Variants in PLCG2 observed in about 807,000 individuals in gnomAD.
PLCG2 encodes the protein phospholipase C gamma 2.
Under a neutral mutation model 175.6 loss-of-function variants are expected in PLCG2, and 69 were observed. The observed-to-expected ratio is 0.39, with a 90% confidence interval of 0.32 to 0.48. The LOEUF is 0.48. Among genes scored for constraint, PLCG2 ranks in the 20% least tolerant of loss-of-function variants. The pLI is 0.91. For synonymous variants in PLCG2, 827 were observed against 624.0 expected, an observed-to-expected ratio of 1.33 and a Z score of -4.85; for missense variants, 1,798 against 1,650.9, an observed-to-expected ratio of 1.09 and a Z score of -1.54.
At chr16:81,751,513 CAGAT>C (rs1388709702) in intron 1 of PLCG2, among the ~76,000 whole-genome samples, 4 of 152,068 alleles carry the variant, frequency 2.6e-5, no homozygotes, top group African/African-American at 9.7e-5. Flanking sequence ...TACAAAATCT[CAGAT>C]AGGAGGAATA....
chr16:81,769,777 G>A (rs945864738), intron 2 of PLCG2, among the ~76,000 whole-genome samples: 7 of 123,506 alleles, frequency 5.7e-5, no homozygotes, highest in South Asian at 2.5e-4. Flanking sequence ...CCGAGATCCC[G>A]CCACTGCACT....
chr16:81,931,694 T>G, intron 25 of PLCG2, 40 bp downstream of exon 25: 1 of 1,595,428 alleles, frequency 6.3e-7, no homozygotes, highest in Non-Finnish European at 8.6e-7. Flanking sequence ...GGCCTGGCAT[T>G]CTGAGGGCTT....
At chr16:81,801,142 G>T (rs1033800221) in intron 2 of PLCG2, among the ~76,000 whole-genome samples, 9 of 152,208 alleles carry the variant, frequency 5.9e-5, no homozygotes, top group Non-Finnish European at 1.3e-4. Context: ...TATTATGCAT[G>T]TGGGAATTCA....
At chr16:81,909,293 G>T (rs1909514573) in intron 17 of PLCG2, among the ~76,000 whole-genome samples, 1 of 152,170 alleles carries the variant, frequency 6.6e-6, no homozygotes, top group Admixed American at 6.5e-5. Context: ...TATTGGGGGG[G>T]TTTAATGTGA....
chr16:81,946,702 A>T (rs903945973), intron 31 of PLCG2, among the ~76,000 whole-genome samples: 9 of 152,202 alleles, frequency 5.9e-5, no homozygotes, highest in Admixed American at 2.0e-4. Context: ...ATTTAGATGG[A>T]ATCCATTTAC....
chr16:81,870,261 G>A (rs1001032792), intron 6 of PLCG2, among the ~76,000 whole-genome samples: 2 of 152,146 alleles, frequency 1.3e-5, no homozygotes, highest in African/African-American at 4.8e-5. Context: ...TTCACTTTCA[G>A]GGAAGCCCTA....
At position 81,960,190 on chromosome 16, in the gene PLCG2, C is replaced by T. The variant is rs146832842; in HGVS notation, c.*2192C>T. 4.6e-4 allele frequency: 102 copies of T among 220,176 alleles called. No homozygotes were observed. Among genetic ancestry groups the T allele is most frequent in the African/African-American group, 2.1e-3 (96 of 44,698 alleles). 13.6% of individuals were successfully genotyped at this position (220,176 alleles called of 1,614,324 possible). On this transcript the variant is annotated 3_prime_UTR_variant, in exon 33 of 33. Transcript: ENST00000564138. ...TCCTCCTGTCCTTGACAGAGTAACA[C>T]GTTAATCTGGTTCTTGGTGGTGTTA... is the stretch of plus-strand genomic sequence containing the variant.
At chr16:81,858,132 C>A in intron 3 of PLCG2, 131 bp from the exon 4 acceptor site, 1 of 714,394 alleles carries the variant, frequency 1.4e-6, no homozygotes, top group Non-Finnish European at 2.5e-6. Context: ...GGGATGCTTT[C>A]TTTGCCTTCT....
chr16:81,923,440 C>A, intron 21 of PLCG2, 45 bp from the exon 22 acceptor site: 2 of 1,268,310 alleles, frequency 1.6e-6, no homozygotes, highest in South Asian at 1.2e-5. Context: ...CCTCCCTCCC[C>A]TCCTGTCCCT....
intron 18 of PLCG2, 42 bp downstream of exon 18, chr16:81,910,762 G>C: frequency 6.4e-7 from 1 of 1,565,820 alleles, no homozygotes; most frequent in Non-Finnish European, 8.7e-7. Context: ...CGGTGGTCGG[G>C]TTAGCTCCAC....
At chr16:81,811,777 C>G (rs1475419922) in intron 2 of PLCG2, among the ~76,000 whole-genome samples, 1 of 152,108 alleles carries the variant, frequency 6.6e-6, no homozygotes, top group Non-Finnish European at 1.5e-5. Context: ...CATCGATGGG[C>G]ATTTGGATTG....
At chr16:81,885,892 T>G (rs997441413) in intron 9 of PLCG2, among the ~76,000 whole-genome samples, 1 of 152,180 alleles carries the variant, frequency 6.6e-6, no homozygotes, top group African/African-American at 2.4e-5. Flanking sequence ...GGTTGAATGA[T>G]GATGATCAAA....
chr16:81,926,944 C>T (rs1910298472), intron 22 of PLCG2, 138 bp from the exon 23 acceptor site: 1 of 662,144 alleles, frequency 1.5e-6, no homozygotes, highest in African/African-American at 1.8e-5. Context: ...TCCATTGTCA[C>T]AGATAGTGAC....
At chr16:81,756,858 T>C (rs958378296) in intron 2 of PLCG2, among the ~76,000 whole-genome samples, 3 of 152,112 alleles carry the variant, frequency 2.0e-5, no homozygotes, top group Admixed American at 1.3e-4. Context: ...TTGTTCCGAG[T>C]CTGATCTGTC....
rs190785536 is a variant in PLCG2, at chr16:81,808,562, C to T, written c.193+22380C>T. Reference sequence around the variant, plus strand: ...AGGCTGGAGTGCGGTGGCATGATCTCGGCTCGCTACAACCTCCGCCTCCCA... The same window carrying T: ...AGGCTGGAGTGCGGTGGCATGATCTTGGCTCGCTACAACCTCCGCCTCCCA... On this transcript the variant is annotated intron_variant, in intron 2 of 32. Transcript: ENST00000564138. Among the ~76,000 whole-genome samples, 10 of 152,192 alleles carry T rather than the reference C, an allele frequency of 6.6e-5. No individual in the cohort carries two copies. In the East Asian group the frequency reaches 7.7e-4, roughly 12 times the overall value.
intron 14 of PLCG2, among the ~76,000 whole-genome samples, chr16:81,903,722 G>C (rs1000168982): frequency 6.6e-6 from 1 of 152,170 alleles, no homozygotes; most frequent in Non-Finnish European, 1.5e-5. Context: ...GGGGCAGCCT[G>C]GTTGCATGTG....
chr16:81,879,088 G>T (rs1301649118), intron 7 of PLCG2, among the ~76,000 whole-genome samples: 1 of 152,100 alleles, frequency 6.6e-6, no homozygotes, highest in Admixed American at 6.6e-5. Flanking sequence ...GGGGGAATGC[G>T]GTGCGGGCTT....
chr16:81,836,677 G>A lies in PLCG2; in HGVS notation c.194-17767G>A, dbSNP rs112665689. ...AATCGCTTGAACTCAGGAGGCTGAGGTGCAGTGAGCTGAGATTGTGCCACT... is the reference window on the plus strand; with the variant it reads ...AATCGCTTGAACTCAGGAGGCTGAGATGCAGTGAGCTGAGATTGTGCCACT... On this transcript the variant is annotated intron_variant, in intron 2 of 32. Transcript: ENST00000564138. Among the ~76,000 whole-genome samples, 1,392 of 152,282 alleles carry A rather than the reference G, an allele frequency of 9.1e-3. 26 individuals are homozygous for A. Among genetic ancestry groups the A allele is most frequent in the African/African-American group, 0.032 (1,314 of 41,550 alleles).
At chr16:81,808,302 C>T (rs1904291234) in intron 2 of PLCG2, among the ~76,000 whole-genome samples, 1 of 152,076 alleles carries the variant, frequency 6.6e-6, no homozygotes, top group Non-Finnish European at 1.5e-5. Flanking sequence ...TGGAGGCAAA[C>T]CCCTCCCCTT....
Sources: gnomAD v4.1 joint callset for allele counts (sites outside exome capture counted in the v4.1 genomes callset) on GRCh38, gnomAD v4.1.1 for gene constraint, MANE v1.5 for transcripts, NCBI Gene and HGNC (gene_info 2026-07-23, HGNC 2026-07-21) for gene names.